The following GOLPH3L variants were observed in gnomAD, a reference collection of about 807,000 sequenced individuals.
The protein encoded by GOLPH3L is golgi phosphoprotein 3 like, also known as Golgi phosphoprotein 3-like.
In GOLPH3L, 22 loss-of-function variants were observed where a neutral mutation model predicts 30.3. The observed-to-expected ratio is 0.73, with a 90% CI of 0.52 to 1.04. GOLPH3L has a LOEUF of 1.04. Ranked by LOEUF, GOLPH3L falls within the 50% of genes least tolerant of loss-of-function variation. The pLI is 0.00. For synonymous variants in GOLPH3L, 120 were observed against 128.2 expected (o/e 0.94, Z 0.43); for missense variants, 303 against 345.8 (o/e 0.88, Z 0.98).
At chr1:150,661,042 A>G (rs1196738890) in intron 4 of GOLPH3L, among the ~76,000 whole-genome samples, 2 of 152,178 alleles carry the variant, frequency 1.3e-5, no homozygotes, top group Non-Finnish European at 2.9e-5. Flanking sequence ...AGCCTGGCCA[A>G]TATGGTGAAA....
At chr1:150,664,332 G>A (rs587684782) in intron 2 of GOLPH3L, among the ~76,000 whole-genome samples, 1 of 152,222 alleles carries the variant, frequency 6.6e-6, no homozygotes, top group Admixed American at 6.5e-5. Context: ...TTTTTGAGGA[G>A]AATTTTGGCT....
intron 4 of GOLPH3L, among the ~76,000 whole-genome samples, chr1:150,660,515 A>G (rs1229851369): frequency 7.8e-6 from 1 of 128,046 alleles, no homozygotes; most frequent in Non-Finnish European, 1.9e-5. Context: ...ACAATAGCCA[A>G]AAGGTGGAAA....
intron 2 of GOLPH3L, among the ~76,000 whole-genome samples, chr1:150,667,014 T>C (rs943670371): frequency 1.3e-5 from 2 of 152,166 alleles, no homozygotes; most frequent in Non-Finnish European, 2.9e-5. Flanking sequence ...GGGAAAGATC[T>C]GTTTCTGCCG....
intron 2 of GOLPH3L, among the ~76,000 whole-genome samples, chr1:150,671,589 C>T (rs1650645230): frequency 6.6e-6 from 1 of 151,922 alleles, no homozygotes; most frequent in Non-Finnish European, 1.5e-5. Context: ...GGCGGATCAC[C>T]TAAGGTCAGA....
At chr1:150,692,943 T>C (rs963066095) in intron 2 of GOLPH3L, among the ~76,000 whole-genome samples, 6 of 152,226 alleles carry the variant, frequency 3.9e-5, no homozygotes, top group Non-Finnish European at 8.8e-5. Flanking sequence ...CAGTGACTGT[T>C]TCCTAGGTAA....
At chr1:150,671,374 C>T (rs778282628) in intron 2 of GOLPH3L, among the ~76,000 whole-genome samples, 25 of 152,050 alleles carry the variant, frequency 1.6e-4, no homozygotes, top group Non-Finnish European at 3.2e-4. Flanking sequence ...TCAATAAATT[C>T]AGACAGTCAA....
chr1:150,687,527 A>T (rs758045725), intron 2 of GOLPH3L, among the ~76,000 whole-genome samples: 1 of 151,912 alleles, frequency 6.6e-6, no homozygotes, highest in Non-Finnish European at 1.5e-5. Flanking sequence ...GTGAGCCAAG[A>T]TCGTGCCACT....
intron 4 of GOLPH3L, among the ~76,000 whole-genome samples, chr1:150,655,870 T>G (rs1036995305): frequency 6.6e-6 from 1 of 152,214 alleles, no homozygotes; most frequent in Non-Finnish European, 1.5e-5. Context: ...CCTACTACAA[T>G]TCTAAAAATT....
At chr1:150,669,699 C>T (rs1051223385) in intron 2 of GOLPH3L, among the ~76,000 whole-genome samples, 2 of 152,176 alleles carry the variant, frequency 1.3e-5, no homozygotes, top group Non-Finnish European at 2.9e-5. Context: ...CGGTGGCTCA[C>T]ACCTGTAATC....
rs587639180 is a variant in GOLPH3L, at chr1:150,667,846, G to A, written c.184-4083C>T. On this transcript the variant is annotated intron_variant, in intron 2 of 4. Transcript: ENST00000271732. ...CCTGACCTCGTGACCCGCCTGCCTCGGCCTCCCAAAGTGCTGGGATTACAG... is the reference window on the plus strand; with the variant it reads ...CCTGACCTCGTGACCCGCCTGCCTCAGCCTCCCAAAGTGCTGGGATTACAG... 4.0e-4 allele frequency among the ~76,000 whole-genome samples: 60 copies of A among 151,894 alleles called. 2 individuals carry two copies. In the South Asian group the frequency reaches 0.01, roughly 26 times the overall value.
At position 150,663,695 on chromosome 1, in the gene GOLPH3L, G is replaced by A; in HGVS notation, c.252C>T (p.Ala84=). Reference sequence around the variant, plus strand: ...GTTCCAGATAGATTCGACCCCGCATGGCCAGCTCTATCAGGATGCCCCCTC... The same window carrying A: ...GTTCCAGATAGATTCGACCCCGCATAGCCAGCTCTATCAGGATGCCCCCTC... ...GLRGGILIEL[A]MRGRIYLEPP... Residue 84 remains alanine, a synonymous_variant, in exon 3 of 5, where the codon GCC becomes GCT. Coordinates refer to ENST00000271732, the MANE Select transcript of GOLPH3L (RefSeq NM_018178.6). 6.2e-7 allele frequency: 1 copy of A among 1,613,616 alleles called. No homozygotes were observed. The highest frequency in any genetic ancestry group is 8.5e-7 in the Non-Finnish European group (1 of 1,179,598).
At chr1:150,690,834 T>C (rs1325415366) in intron 2 of GOLPH3L, among the ~76,000 whole-genome samples, 1 of 152,242 alleles carries the variant, frequency 6.6e-6, no homozygotes, top group East Asian at 1.9e-4. Flanking sequence ...CGGATTACTC[T>C]ATCTCATGAT....
At chr1:150,673,700 G>A (rs1358958054) in intron 2 of GOLPH3L, among the ~76,000 whole-genome samples, 1 of 152,060 alleles carries the variant, frequency 6.6e-6, no homozygotes, top group African/African-American at 2.4e-5. Flanking sequence ...AGGCCAAGGT[G>A]GGAGTACTGC....
At chr1:150,690,643 T>C (rs1651187618) in intron 2 of GOLPH3L, among the ~76,000 whole-genome samples, 1 of 152,216 alleles carries the variant, frequency 6.6e-6, no homozygotes, top group Non-Finnish European at 1.5e-5. Flanking sequence ...TGAATCCCAT[T>C]GTTCTCCACC....
Position 150,648,250 on chromosome 1 carries a change from A to G in GOLPH3L, c.*71T>C. ...AAAAATGATGAAAACATCTCATCAC[A>G]CAAAACTCAGTGATGGGGTCTCTGA... On this transcript the variant is annotated 3_prime_UTR_variant, in exon 5 of 5. Transcript: ENST00000271732. 1 of 1,105,930 alleles carries G rather than the reference A, an allele frequency of 9.0e-7. No homozygotes were observed. The highest frequency in any genetic ancestry group is 1.3e-6 in the Non-Finnish European group (1 of 762,774). The allele number at this position is 1,105,930 out of a possible 1,614,324, so 68.5% of individuals were successfully genotyped here.
Position 150,658,109 on chromosome 1 carries a change from C to T in GOLPH3L, c.430+3705G>A, listed in dbSNP as rs587598252. ...TGAAACCTTATCATGAGCCAGATGCCGAGGAAGAGATTCCGGGAGGATCCC... is the reference window on the plus strand; with the variant it reads ...TGAAACCTTATCATGAGCCAGATGCTGAGGAAGAGATTCCGGGAGGATCCC... On this transcript the variant is annotated intron_variant, in intron 4 of 4. Coordinates refer to ENST00000271732, the MANE Select transcript of GOLPH3L (RefSeq NM_018178.6). Among the ~76,000 whole-genome samples, 316 of 152,282 alleles carry T rather than the reference C, an allele frequency of 2.1e-3. 1 individual carries two copies. In the Middle Eastern group the frequency reaches 0.037, roughly 18 times the overall value.
intron 2 of GOLPH3L, among the ~76,000 whole-genome samples, chr1:150,684,023 G>T (rs1651027250): frequency 6.6e-6 from 1 of 152,120 alleles, no homozygotes; most frequent in East Asian, 1.9e-4. Context: ...TAAAATGAGG[G>T]TGTTATAGTG....
intron 4 of GOLPH3L, among the ~76,000 whole-genome samples, chr1:150,660,496 GC>G (rs1223231764): frequency 6.6e-6 from 1 of 151,132 alleles, no homozygotes; most frequent in Non-Finnish European, 1.5e-5. Context: ...GTTCACAGCA[GC>G]ATTATTCACA....
chr1:150,695,395 C>T (rs980206779), intron 1 of GOLPH3L, among the ~76,000 whole-genome samples: 8 of 152,200 alleles, frequency 5.3e-5, no homozygotes, highest in Non-Finnish European at 1.0e-4. Flanking sequence ...CCTGGGCCTC[C>T]CAAAGTGCTA....
Sources: gnomAD v4.1 joint callset for allele counts (sites outside exome capture counted in the v4.1 genomes callset) on GRCh38, gnomAD v4.1.1 for gene constraint, MANE v1.5 for transcripts, NCBI Gene and HGNC (gene_info 2026-07-23, HGNC 2026-07-21) for gene names.